The following DPH6 variants were observed in gnomAD, a reference collection of about 807,000 sequenced individuals.
DPH6 encodes diphthine--ammonia ligase.
Under a neutral mutation model 38.2 loss-of-function variants are expected in DPH6, and 33 were observed. The observed-to-expected ratio is 0.86, with a 90% CI of 0.65 to 1.15. The LOEUF is 1.15. DPH6 is among the 50% of genes most tolerant of loss of function. The pLI, the probability that DPH6 is intolerant of heterozygous loss-of-function variation, is 0.00. For missense variants in DPH6, 325 were observed against 320.0 expected (o/e 1.02, Z -0.12); for synonymous variants, 108 against 103.0 (o/e 1.05, Z -0.30).
At chr15:35,313,314 A>G (rs1052754518) in intron 3 of DPH6, among the ~76,000 whole-genome samples, 6 of 150,922 alleles carry the variant, frequency 4.0e-5, no homozygotes, top group Non-Finnish European at 8.8e-5. Context: ...TGCTTCGGCC[A>G]CTTGGAGTCT....
chr15:35,474,009 A>G (rs1193802201), intron 3 of DPH6, among the ~76,000 whole-genome samples: 1 of 152,072 alleles, frequency 6.6e-6, no homozygotes, highest in Non-Finnish European at 1.5e-5. Flanking sequence ...AGAAGGATAC[A>G]TAAGAAATTG....
At chr15:35,368,244 A>C (rs530615382), downstream of DPH6, among the ~76,000 whole-genome samples, 1 of 151,988 alleles carries the variant, frequency 6.6e-6, no homozygotes, top group Non-Finnish European at 1.5e-5. Context: ...AAGAAAGGAA[A>C]GCCGGTAAGA....
chr15:35,158,772 TTA>T, the DPH6 span, among the ~76,000 whole-genome samples: 2 of 152,006 alleles, frequency 1.3e-5, no homozygotes. Flanking sequence ...TAGCAAAAGA[TTA>T]CTGGAAATGA....
the DPH6 span, among the ~76,000 whole-genome samples, chr15:35,205,553 T>C: frequency 5.9e-5 from 9 of 152,226 alleles, no homozygotes; most frequent in South Asian, 1.2e-3. Flanking sequence ...TTTAAAAAGA[T>C]TGATCTTATC....
chr15:35,246,664 G>A (rs2051639710), intron 3 of DPH6, among the ~76,000 whole-genome samples: 1 of 152,124 alleles, frequency 6.6e-6, no homozygotes, highest in African/African-American at 2.4e-5. Context: ...TCAGTCCAGG[G>A]ATTTGGCTTT....
intron 6 of DPH6, among the ~76,000 whole-genome samples, chr15:35,408,389 G>C (rs2053322532): frequency 6.6e-6 from 1 of 151,996 alleles, no homozygotes; most frequent in Non-Finnish European, 1.5e-5. Context: ...ACACACATCT[G>C]AATTAAGGTG....
At chr15:35,317,093 AC>A (rs1162508486) in intron 3 of DPH6, among the ~76,000 whole-genome samples, 2 of 151,668 alleles carry the variant, frequency 1.3e-5, no homozygotes, top group Non-Finnish European at 2.9e-5. Context: ...CCCTATCTCT[AC>A]AAAAAATACA....
downstream of DPH6, among the ~76,000 whole-genome samples, chr15:35,367,839 G>A (rs2052673919): frequency 6.6e-6 from 1 of 151,462 alleles, no homozygotes; most frequent in South Asian, 2.1e-4. Flanking sequence ...GTTGCTTAAA[G>A]CATTTTTCTC....
chr15:35,158,173 T>G, the DPH6 span, among the ~76,000 whole-genome samples: 2 of 151,958 alleles, frequency 1.3e-5, no homozygotes, highest in South Asian at 4.2e-4. Flanking sequence ...TATGCCCCTA[T>G]TTTGCATCAT....
chr15:35,427,212 C>T (rs917959429), intron 5 of DPH6, among the ~76,000 whole-genome samples: 3 of 151,598 alleles, frequency 2.0e-5, no homozygotes, highest in Admixed American at 6.6e-5. Context: ...AGTGAGGAAA[C>T]GACTATTCCA....
At chr15:35,487,845 C>T (rs985582739) in intron 3 of DPH6, among the ~76,000 whole-genome samples, 1 of 152,172 alleles carries the variant, frequency 6.6e-6, no homozygotes, top group African/African-American at 2.4e-5. Context: ...CTCCGCTTCC[C>T]TTTTAAACAT....
chr15:35,182,050 A>G, the DPH6 span, among the ~76,000 whole-genome samples: 1 of 152,024 alleles, frequency 6.6e-6, no homozygotes, highest in Non-Finnish European at 1.5e-5. Context: ...TTTTAATTAT[A>G]GTTGTATTGG....
intron 5 of DPH6, among the ~76,000 whole-genome samples, chr15:35,430,393 G>GAAAAAA (rs562833474): frequency 7.3e-6 from 1 of 137,678 alleles, no homozygotes. Flanking sequence ...CCTTCATACT[G>GAAAAAA]AAAAAAAAAA....
intron 6 of DPH6, among the ~76,000 whole-genome samples, chr15:35,405,221 A>AT (rs376514522): frequency 0.045 from 6,727 of 148,990 alleles, 352 homozygotes; most frequent in African/African-American, 0.13. Context: ...AAATTTTAGG[A>AT]TTTTTTTTTT....
At chr15:35,164,192 T>C in the DPH6 span, among the ~76,000 whole-genome samples, 5 of 151,990 alleles carry the variant, frequency 3.3e-5, no homozygotes, top group East Asian at 7.7e-4. Flanking sequence ...ACCTAATATA[T>C]GGGTTGTTTG....
chr15:35,325,257 G>A (rs1446235132), intron 3 of DPH6, among the ~76,000 whole-genome samples: 2 of 151,798 alleles, frequency 1.3e-5, no homozygotes, highest in Non-Finnish European at 2.9e-5. Flanking sequence ...AAATGCAAAG[G>A]GTTAAAAAAT....
intron 3 of DPH6, among the ~76,000 whole-genome samples, chr15:35,261,582 C>T (rs1161860238): frequency 6.6e-6 from 1 of 152,052 alleles, no homozygotes; most frequent in Admixed American, 6.5e-5. Flanking sequence ...CCTGTAATCC[C>T]AACACTTTGG....
rs1299501491 is a variant in DPH6 at position 35,280,411 on chromosome 15, G to T, written n.201-59829C>A. Among the ~76,000 whole-genome samples the T allele has an allele frequency of 3.3e-5, 5 of 152,056 alleles. No individual in the cohort carries two copies. The East Asian group carries it at 9.6e-4, about 29-fold the overall frequency. Reference sequence around the variant, plus strand: ...AAAAATCACTTGTAGCTCATGACTGGGATGAAAGTATCATGGAAGAGAAGT... The same window carrying T: ...AAAAATCACTTGTAGCTCATGACTGTGATGAAAGTATCATGGAAGAGAAGT... On this transcript the variant is annotated intron_variant and non_coding_transcript_variant, in intron 3 of 3. Transcript: ENST00000560386.
chr15:35,383,534 T>C (rs894235275), intron 6 of DPH6, among the ~76,000 whole-genome samples: 3 of 152,186 alleles, frequency 2.0e-5, no homozygotes. Context: ...TACTCTGTAT[T>C]TTAACATCAC....
Sources: gnomAD v4.1 joint callset for allele counts (sites outside exome capture counted in the v4.1 genomes callset) on GRCh38, gnomAD v4.1.1 for gene constraint, MANE v1.5 for transcripts, NCBI Gene and HGNC (gene_info 2026-07-23, HGNC 2026-07-21) for gene names.